The following MYO7A variants were observed in gnomAD, a reference collection of about 807,000 sequenced individuals.
The protein encoded by MYO7A is unconventional myosin-VIIa.
Under a neutral mutation model 263.8 loss-of-function variants are expected in MYO7A, and 210 were observed. The ratio of observed to expected loss-of-function variants is 0.80; its 90% CI spans 0.71 to 0.89. The LOEUF (loss-of-function observed/expected upper bound fraction) is 0.89. Ranked by LOEUF, MYO7A falls within the 40% of genes least tolerant of loss-of-function variation. MYO7A has a pLI of 0.00. For synonymous variants in MYO7A, 1,239 were observed against 1,197.3 expected (o/e 1.03, Z -0.72); for missense variants, 2,820 against 2,968.3 (o/e 0.95, Z 1.16).
At chr11:77,164,667 G>T (rs925120814) in intron 14 of MYO7A, among the ~76,000 whole-genome samples, 1 of 152,194 alleles carries the variant, frequency 6.6e-6, no homozygotes, top group Non-Finnish European at 1.5e-5. Flanking sequence ...AGTAATAGAG[G>T]ATTGTATTTC....
intron 21 of MYO7A, 150 bp downstream of exon 21, chr11:77,180,103 C>A: frequency 3.3e-6 from 3 of 906,812 alleles, no homozygotes; most frequent in South Asian, 1.8e-5. Context: ...TGGGACCAGA[C>A]CCTCATTTCC....
At chr11:77,160,643 C>T (rs1312606691) in intron 11 of MYO7A, among the ~76,000 whole-genome samples, 1 of 152,092 alleles carries the variant, frequency 6.6e-6, no homozygotes, top group African/African-American at 2.4e-5. Flanking sequence ...CACACCAGGC[C>T]CTGGGCTGGG....
At position 77,181,603 on chromosome 11, in the gene MYO7A, G is replaced by A. The variant is rs782269991; in HGVS notation, c.2904+14G>A. 18 of 1,611,372 alleles carry A rather than the reference G, an allele frequency of 1.1e-5. No homozygotes were observed. In the South Asian group the frequency reaches 1.9e-4, roughly 17 times the overall value. On this transcript the variant is annotated intron_variant, in intron 23 of 48. Coordinates refer to ENST00000409709, the MANE Select transcript of MYO7A (RefSeq NM_000260.4). ...AGTGGCTTTGAGGTACCAGGCTAGG[G>A]ACAGGGGCTCCAGAGGCCCACACAC...
intron 12 of MYO7A, among the ~76,000 whole-genome samples, chr11:77,161,610 G>A (rs1415433056): frequency 6.6e-6 from 1 of 152,200 alleles, no homozygotes; most frequent in African/African-American, 2.4e-5. Flanking sequence ...CTGTTTGGAT[G>A]TCTCAAAGCC....
At chr11:77,139,020 T>C (rs1951042710) in intron 2 of MYO7A, among the ~76,000 whole-genome samples, 2 of 149,638 alleles carry the variant, frequency 1.3e-5, no homozygotes, top group Admixed American at 6.6e-5. Context: ...TGGGGAATTA[T>C]TAATATTGGC....
chr11:77,128,853 G>A (rs1950683463), intron 1 of MYO7A, among the ~76,000 whole-genome samples: 3 of 152,148 alleles, frequency 2.0e-5, no homozygotes, highest in South Asian at 4.1e-4. Flanking sequence ...CTTTATCTCC[G>A]TTTTTGGATA....
chr11:77,147,706 C>T (rs1951670501), intron 3 of MYO7A, 92 bp from the exon 4 acceptor site: 3 of 1,531,498 alleles, frequency 2.0e-6, no homozygotes, highest in Non-Finnish European at 1.8e-6. Flanking sequence ...CGGGTTGGCA[C>T]TCACCCCGCG....
At position 77,162,007 on chromosome 11, in the gene MYO7A, C is replaced by A. The variant is rs530830757; in HGVS notation, c.1344-113C>A. The A allele has an allele frequency of 1.9e-4, 183 of 978,370 alleles. 1 individual carries two copies. The African/African-American group carries it at 2.5e-3, about 14-fold the overall frequency. 60.6% of individuals were successfully genotyped at this position (978,370 alleles called of 1,614,324 possible). A position where few individuals can be genotyped will look rare whatever the true frequency, so the allele number is the denominator to read the frequency against. On this transcript the variant is annotated intron_variant, in intron 12 of 48. Transcript: ENST00000409709. ...TTCCCCTCGCCTCTGAGTTTGGAGTCCATGATGGGGATAGCTTGCTAATGG... is the reference window on the plus strand; with the variant it reads ...TTCCCCTCGCCTCTGAGTTTGGAGTACATGATGGGGATAGCTTGCTAATGG...
chr11:77,154,383 T>G (rs1555059728), intron 4 of MYO7A, among the ~76,000 whole-genome samples: 2 of 152,106 alleles, frequency 1.3e-5, no homozygotes, highest in Non-Finnish European at 2.9e-5. Context: ...CCTGGTGGGC[T>G]GGGGGTCCAC....
chr11:77,190,745 G>T lies in MYO7A; in HGVS notation c.3799G>T (p.Gly1267Trp). The part of the protein sequence containing the change: ...PIMLPVTFMD[G>W]TTKTLLTDSA... Reference sequence around the variant, plus strand: ...CATGTTGCCCGTGACATTCATGGATGGGACCACCAAGACCCTGCTGACGGA... The same window carrying T: ...CATGTTGCCCGTGACATTCATGGATTGGACCACCAAGACCCTGCTGACGGA... The change falls in exon 30 of 49, where the codon GGG becomes TGG. Residue 1267 changes from glycine (G) to tryptophan (W), a missense_variant. Transcript: ENST00000409709. 6.3e-7 allele frequency: 1 copy of T among 1,599,974 alleles called. No individual in the cohort carries two copies. The highest frequency in any genetic ancestry group is 8.5e-7 in the Non-Finnish European group (1 of 1,173,726).
Position 77,160,144 on chromosome 11 carries a change from G to C in MYO7A, c.1081-19G>C, listed in dbSNP as rs1200683886. On this transcript the variant is annotated intron_variant, in intron 10 of 48. Coordinates refer to ENST00000409709, the MANE Select transcript of MYO7A (RefSeq NM_000260.4). ...GGGGCAGGCTGGCAGGTGAGCACCT[G>C]GGGTGTTGCCTGTACCAGGTGAACC... 1.9e-6 allele frequency: 3 copies of C among 1,549,298 alleles called. No individual in the cohort carries two copies. The highest frequency in any genetic ancestry group is 2.6e-6 in the Non-Finnish European group (3 of 1,146,850).
intron 10 of MYO7A, 135 bp from the exon 11 acceptor site, chr11:77,160,028 G>C: frequency 7.4e-7 from 1 of 1,342,958 alleles, no homozygotes; most frequent in Non-Finnish European, 9.9e-7. Flanking sequence ...GGATTTGGCC[G>C]TGGGCCCTGG....
chr11:77,176,861 C>A (rs959869494), intron 18 of MYO7A, among the ~76,000 whole-genome samples: 28 of 152,214 alleles, frequency 1.8e-4, no homozygotes, highest in Admixed American at 4.6e-4. Context: ...TAGCACAGTG[C>A]CAGCACATGG....
chr11:77,183,893 T>C (rs1370075334), intron 26 of MYO7A, among the ~76,000 whole-genome samples: 1 of 152,164 alleles, frequency 6.6e-6, no homozygotes, highest in Non-Finnish European at 1.5e-5. Context: ...GCCTCAGATT[T>C]GAATCCCACC....
Position 77,147,934 on chromosome 11 carries a change from G to A in MYO7A, c.269G>A (p.Arg90Gln). The change falls in exon 4 of 49, where the codon CGG becomes CAG. Residue 90 changes from arginine to glutamine, a missense_variant. Coordinates refer to ENST00000409709, the MANE Select transcript of MYO7A (RefSeq NM_000260.4). ...TTGCGCAACCTGCTTATCCGCTACC[G>A]GGACCACCTCATCTACGTGAGTGCC... ...GILRNLLIRY[R>Q]DHLIYTYTGS... 3 of 1,555,600 alleles carry A rather than the reference G, an allele frequency of 1.9e-6. No homozygotes were observed. Among genetic ancestry groups the A allele is most frequent in the African/African-American group, 1.4e-5 (1 of 73,342 alleles).
rs397516329 is a variant in MYO7A at position 77,211,928 on chromosome 11, C to T, written c.6345C>T (p.Phe2115=). The stretch of plus-strand genomic sequence containing the variant: ...GGCCCACCTTTGGCTCAGCCTTCTT[C>T]GAGGTGAAGGTACACCATGGGCTTC... ...FKWPTFGSAF[F]EVKQTTEPNF... is the part of the protein sequence containing the mutation. Residue 2115 remains phenylalanine (F), a synonymous_variant, in exon 46 of 49, where the codon TTC becomes TTT. Coordinates refer to ENST00000409709, the MANE Select transcript of MYO7A (RefSeq NM_000260.4). 9 of 1,613,378 alleles carry T rather than the reference C, an allele frequency of 5.6e-6. No homozygotes were observed. Among genetic ancestry groups the T allele is most frequent in the African/African-American group, 2.7e-5 (2 of 75,020 alleles).
At chr11:77,189,978 G>A (rs1280832975) in intron 28 of MYO7A, 42 bp from the exon 29 acceptor site, 7 of 1,481,622 alleles carry the variant, frequency 4.7e-6, no homozygotes, top group Non-Finnish European at 6.3e-6. Flanking sequence ...AAATCCACAT[G>A]GGGAGCCCCA....
intron 48 of MYO7A, among the ~76,000 whole-genome samples, 161 bp downstream of exon 48, chr11:77,214,140 A>G (rs1958025192): frequency 6.6e-6 from 1 of 152,180 alleles, no homozygotes; most frequent in Admixed American, 6.5e-5. Context: ...GGCTCAGCTT[A>G]GGTCTGGGGA....
intron 7 of MYO7A, 86 bp downstream of exon 7, chr11:77,157,090 C>A: frequency 1.3e-6 from 2 of 1,541,072 alleles, no homozygotes; most frequent in South Asian, 1.2e-5. Flanking sequence ...TATTGCTGCC[C>A]GTATTGCTCC....
Sources: gnomAD v4.1 joint callset for allele counts (sites outside exome capture counted in the v4.1 genomes callset) on GRCh38, gnomAD v4.1.1 for gene constraint, MANE v1.5 for transcripts, NCBI Gene and HGNC (gene_info 2026-07-23, HGNC 2026-07-21) for gene names.